Variants in GRIA4 observed in about 807,000 individuals in gnomAD.
The protein encoded by GRIA4 is glutamate ionotropic receptor AMPA type subunit 4, also known as glutamate receptor 4.
In GRIA4, 34 loss-of-function variants were observed where a neutral mutation model predicts 104.0. The observed-to-expected ratio is 0.33, with a 90% CI of 0.25 to 0.44. The LOEUF is 0.44. Ranked by LOEUF, GRIA4 falls within the 20% of genes least tolerant of loss-of-function variation. The pLI, the probability that GRIA4 is intolerant of heterozygous loss-of-function variation, is 1.00. For synonymous variants in GRIA4, 386 were observed against 381.9 expected, an observed-to-expected ratio of 1.01 and a Z score of -0.13; for missense variants, 750 against 1,096.5, an observed-to-expected ratio of 0.68 and a Z score of 4.46.
At chr11:105,852,783 C>G (rs1335960422) in intron 4 of GRIA4, among the ~76,000 whole-genome samples, 1 of 125,072 alleles carries the variant, frequency 8.0e-6, no homozygotes, top group Non-Finnish European at 1.8e-5. Flanking sequence ...CTGCTAGGAA[C>G]AGAAATTGTC....
chr11:105,788,645 G>T (rs1942079821), intron 4 of GRIA4, among the ~76,000 whole-genome samples: 1 of 152,072 alleles, frequency 6.6e-6, no homozygotes, highest in South Asian at 2.1e-4. Context: ...TTTAGAAACA[G>T]GAAACCTAAC....
intron 2 of GRIA4, among the ~76,000 whole-genome samples, chr11:105,611,835 G>T (rs1264054746): frequency 6.6e-6 from 1 of 152,134 alleles, no homozygotes; most frequent in Non-Finnish European, 1.5e-5. Flanking sequence ...CTGAGTCCAC[G>T]AGCTGGAGGA....
intron 3 of GRIA4, among the ~76,000 whole-genome samples, chr11:105,622,236 C>T (rs1424347423): frequency 6.6e-6 from 1 of 151,694 alleles, no homozygotes; most frequent in Non-Finnish European, 1.5e-5. Context: ...CCTAGCCTTA[C>T]AACTATAGAA....
chr11:105,849,908 T>C (rs186908860), intron 4 of GRIA4, among the ~76,000 whole-genome samples: 8 of 152,358 alleles, frequency 5.3e-5, no homozygotes, highest in Non-Finnish European at 8.8e-5. Flanking sequence ...AACAAATTAC[T>C]TAATGTATTT....
intron 6 of GRIA4, among the ~76,000 whole-genome samples, chr11:105,888,747 G>A (rs2136103758): frequency 6.6e-6 from 1 of 152,164 alleles, no homozygotes; most frequent in African/African-American, 2.4e-5. Context: ...TTAGTGAACT[G>A]GGTTTGGTTG....
chr11:105,892,429 T>C (rs1357396168), intron 6 of GRIA4, among the ~76,000 whole-genome samples: 1 of 152,082 alleles, frequency 6.6e-6, no homozygotes, highest in Non-Finnish European at 1.5e-5. Context: ...GGATATATAA[T>C]TAAAGATGAA....
intron 4 of GRIA4, among the ~76,000 whole-genome samples, chr11:105,760,724 A>G (rs993427321): frequency 6.6e-6 from 1 of 151,790 alleles, no homozygotes; most frequent in Admixed American, 6.6e-5. Context: ...AGGCCTATTC[A>G]TGTTTTTTTT....
At chr11:105,844,548 A>G (rs1944513194) in intron 4 of GRIA4, among the ~76,000 whole-genome samples, 1 of 152,246 alleles carries the variant, frequency 6.6e-6, no homozygotes, top group Non-Finnish European at 1.5e-5. Context: ...AGAACAAACT[A>G]TTCAGTAACA....
At chr11:105,764,857 C>A (rs1028602803) in intron 4 of GRIA4, among the ~76,000 whole-genome samples, 2 of 151,900 alleles carry the variant, frequency 1.3e-5, no homozygotes, top group African/African-American at 2.4e-5. Flanking sequence ...CTCTTAGCAA[C>A]ACCTAGACTG....
chr11:105,888,052 C>T (rs577213975), intron 6 of GRIA4, among the ~76,000 whole-genome samples: 4 of 152,006 alleles, frequency 2.6e-5, no homozygotes, highest in Non-Finnish European at 5.9e-5. Context: ...GGCTAACAAA[C>T]AAGATACACA....
intron 2 of GRIA4, 41 bp from the exon 3 acceptor site, chr11:105,612,235 A>G (rs1424762958): frequency 1.9e-6 from 3 of 1,600,060 alleles, no homozygotes; most frequent in South Asian, 2.2e-5. Context: ...AATGTTGACA[A>G]GAGGAAACAG....
At chr11:105,659,154 A>T (rs927445942) in intron 3 of GRIA4, among the ~76,000 whole-genome samples, 33 of 151,972 alleles carry the variant, frequency 2.2e-4, no homozygotes, top group Non-Finnish European at 7.4e-5. Flanking sequence ...CCCATCATCC[A>T]TGTGGTAGCT....
chr11:105,736,098 G>A (rs1006497112), intron 3 of GRIA4, among the ~76,000 whole-genome samples: 4 of 152,098 alleles, frequency 2.6e-5, no homozygotes, highest in African/African-American at 2.4e-5. Flanking sequence ...CAAATACTCA[G>A]ATATAAAGAT....
chr11:105,653,193 C>T (rs750644915), intron 3 of GRIA4, among the ~76,000 whole-genome samples: 5 of 152,160 alleles, frequency 3.3e-5, no homozygotes, highest in Non-Finnish European at 5.9e-5. Flanking sequence ...TTACAGGCGT[C>T]AGCCACCGCA....
chr11:105,684,451 G>A (rs1437410693), intron 3 of GRIA4, among the ~76,000 whole-genome samples: 3 of 151,174 alleles, frequency 2.0e-5, no homozygotes, highest in Non-Finnish European at 4.4e-5. Flanking sequence ...AGTTAGATGA[G>A]ATTATGTTGA....
intron 3 of GRIA4, among the ~76,000 whole-genome samples, chr11:105,715,596 G>A (rs947555567): frequency 2.6e-5 from 4 of 152,084 alleles, no homozygotes; most frequent in Non-Finnish European, 4.4e-5. Context: ...TTAGATAATA[G>A]AATATATTTG....
intron 3 of GRIA4, among the ~76,000 whole-genome samples, chr11:105,688,551 A>G (rs1439808333): frequency 6.6e-6 from 1 of 152,206 alleles, no homozygotes; most frequent in Non-Finnish European, 1.5e-5. Flanking sequence ...CGACAGAGTG[A>G]GACTCCGTCT....
intron 14 of GRIA4, chr11:105,965,971 A>G (rs1259468074): frequency 6.2e-7 from 1 of 1,611,352 alleles, no homozygotes; most frequent in Non-Finnish European, 8.5e-7. Context: ...TCGCAGTTTT[A>G]AAACTGAATG....
intron 5 of GRIA4, among the ~76,000 whole-genome samples, chr11:105,880,665 G>A (rs1471998323): frequency 6.6e-6 from 1 of 152,096 alleles, no homozygotes; most frequent in African/African-American, 2.4e-5. Flanking sequence ...ATATTCACAA[G>A]TGAAGACATT....
Sources: allele counts gnomAD v4.1 joint callset (sites outside exome capture counted in the v4.1 genomes callset), GRCh38; gene constraint gnomAD v4.1.1; transcripts MANE v1.5; gene names NCBI Gene and HGNC (gene_info 2026-07-23, HGNC 2026-07-21).